Variants in ABHD12 observed in about 807,000 individuals in gnomAD.
The protein encoded by ABHD12 is abhydrolase domain containing 12, lysophospholipase, also known as lysophosphatidylserine lipase ABHD12.
Under a neutral mutation model 58.3 loss-of-function variants are expected in ABHD12, and 43 were observed. That is an observed-to-expected ratio of 0.74 (90% CI 0.58 to 0.95). The LOEUF is 0.95. ABHD12 is among the 40% of genes least tolerant of loss of function. The pLI is 0.00. For missense variants in ABHD12, 539 were observed against 537.2 expected (o/e 1.00, Z -0.03); for synonymous variants, 219 against 211.2 (o/e 1.04, Z -0.32).
rs570200234 is a variant in ABHD12 at position 25,319,494 on chromosome 20, A to G, written c.542+705T>C. Among the ~76,000 whole-genome samples the G allele has an allele frequency of 2.6e-5, 4 of 152,234 alleles. No homozygotes were observed. In the East Asian group the frequency reaches 7.8e-4, roughly 30 times the overall value. ...CAGCCTCTCCCTCCTGCCCCTTCTC[A>G]GCACCTGCCACTTTTTTCCAGGAAG... On this transcript the variant is annotated intron_variant, in intron 4 of 12. Transcript: ENST00000339157.
intron 1 of ABHD12, among the ~76,000 whole-genome samples, chr20:25,358,835 G>A (rs1383624858): frequency 1.3e-5 from 2 of 152,134 alleles, no homozygotes; most frequent in African/African-American, 4.8e-5. Context: ...ATAAGGAGGT[G>A]CTATGTAGTC....
chr20:25,333,926 A>C (rs1027915734), intron 2 of ABHD12, among the ~76,000 whole-genome samples: 12 of 152,092 alleles, frequency 7.9e-5, no homozygotes, highest in East Asian at 1.9e-4. Context: ...CTCACCACTC[A>C]TATTCAACAC....
At chr20:25,354,981 T>C (rs1465529152) in intron 1 of ABHD12, among the ~76,000 whole-genome samples, 3 of 152,192 alleles carry the variant, frequency 2.0e-5, no homozygotes, top group African/African-American at 7.2e-5. Flanking sequence ...ATTAGACTAC[T>C]TTGAAGAACA....
At chr20:25,358,072 G>A (rs2089692288) in intron 1 of ABHD12, among the ~76,000 whole-genome samples, 4 of 152,086 alleles carry the variant, frequency 2.6e-5, no homozygotes, top group Admixed American at 2.6e-4. Flanking sequence ...TGGGCACTGA[G>A]GCTCTCTTGG....
chr20:25,323,674 A>C (rs1442482020), intron 2 of ABHD12, among the ~76,000 whole-genome samples: 10 of 152,248 alleles, frequency 6.6e-5, no homozygotes, highest in Admixed American at 6.5e-4. Flanking sequence ...GAGGCCAGCC[A>C]GCATGGGCAG....
At chr20:25,345,810 C>T (rs374621217) in intron 1 of ABHD12, among the ~76,000 whole-genome samples, 1 of 152,138 alleles carries the variant, frequency 6.6e-6, no homozygotes, top group Non-Finnish European at 1.5e-5. Context: ...TGTGGAGCAA[C>T]AGGAATTCTC....
intron 1 of ABHD12, chr20:25,339,772 C>T: frequency 7.9e-7 from 1 of 1,270,192 alleles, no homozygotes; most frequent in South Asian, 1.3e-5. Flanking sequence ...GCGTAGGTTA[C>T]TTATTAGCTC....
chr20:25,361,455 G>A (rs139806409), intron 1 of ABHD12, among the ~76,000 whole-genome samples: 2,041 of 152,226 alleles, frequency 0.013, 23 homozygotes, highest in Middle Eastern at 0.031. Flanking sequence ...GAGTGCAGTG[G>A]TGCGATCTCA....
At chr20:25,369,684 C>T (rs1270922503) in intron 1 of ABHD12, among the ~76,000 whole-genome samples, 1 of 152,188 alleles carries the variant, frequency 6.6e-6, no homozygotes, top group South Asian at 2.1e-4. Context: ...GATGTTGTGT[C>T]CACAGGTTTA....
chr20:25,387,839 G>A (rs962183201), intron 1 of ABHD12, among the ~76,000 whole-genome samples: 2 of 151,764 alleles, frequency 1.3e-5, no homozygotes, highest in Non-Finnish European at 2.9e-5. Flanking sequence ...TCACGAGTTC[G>A]AGACCAGCCT....
At chr20:25,353,809 G>A (rs2482931) in intron 1 of ABHD12, among the ~76,000 whole-genome samples, 93,923 of 152,118 alleles carry the variant, frequency 0.62, 30,585 homozygotes, top group African/African-American at 0.79. Flanking sequence ...TGCTCACTTC[G>A]CCTTCCTGGC....
rs1810668103 is a variant in ABHD12 at position 25,300,338 on chromosome 20, A to G, written c.*507T>C. The G allele has an allele frequency of 2.8e-6, 3 of 1,053,142 alleles. No individual in the cohort carries two copies. The South Asian group carries it at 1.0e-4, about 35-fold the overall frequency. 65.2% of individuals were successfully genotyped at this position (1,053,142 alleles called of 1,614,324 possible). A position where few individuals can be genotyped will look rare whatever the true frequency, so the allele number is the denominator to read the frequency against. On this transcript the variant is annotated 3_prime_UTR_variant, in exon 13 of 13. Transcript: ENST00000339157. ...CCACTGTGGGTGAGTGGGCCAGCCC[A>G]GGGGAGGTGGGGCAGCTGAGAAAGG...
intron 1 of ABHD12, chr20:25,390,249 A>G (rs2090151700): frequency 5.6e-6 from 2 of 354,528 alleles, no homozygotes; most frequent in Non-Finnish European, 1.0e-5. Context: ...AGGCTAGGCC[A>G]GGAGTGCCTG....
chr20:25,316,422 G>C (rs931497467), intron 5 of ABHD12, among the ~76,000 whole-genome samples: 2 of 151,904 alleles, frequency 1.3e-5, no homozygotes, highest in African/African-American at 4.8e-5. Context: ...GCCTCCCAAA[G>C]TGCTGGGATT....
At chr20:25,374,988 T>C (rs1022455530) in intron 1 of ABHD12, among the ~76,000 whole-genome samples, 1 of 152,212 alleles carries the variant, frequency 6.6e-6, no homozygotes, top group African/African-American at 2.4e-5. Flanking sequence ...CTTCAGAATA[T>C]GACTGTATTT....
chr20:25,308,196 G>A (rs2088781307), intron 8 of ABHD12, 151 bp from the exon 9 acceptor site: 3 of 751,632 alleles, frequency 4.0e-6, no homozygotes, highest in South Asian at 1.5e-5. Flanking sequence ...TAGCACCAGG[G>A]GTGCCCGCCA....
At chr20:25,314,642 G>C (rs943156210) in intron 6 of ABHD12, among the ~76,000 whole-genome samples, 1 of 150,340 alleles carries the variant, frequency 6.7e-6, no homozygotes, top group African/African-American at 2.5e-5. Context: ...TCATGCTACT[G>C]TACTCCAGGT....
rs58926406 is a variant in ABHD12, at chr20:25,352,922, T to C, written c.192-13571A>G. Among the ~76,000 whole-genome samples the C allele has an allele frequency of 2.0e-3, 303 of 152,160 alleles. 1 individual carries two copies. The highest frequency in any genetic ancestry group is 7.2e-3 in the African/African-American group (297 of 41,532). On this transcript the variant is annotated intron_variant, in intron 1 of 12. Transcript: ENST00000339157. ...AACGAGATGTGGTGGTGTGTACCCA[T>C]AGTCCCAGCTACTCTGAAGGCTGAG...
chr20:25,368,940 T>C (rs2089862143), intron 1 of ABHD12, among the ~76,000 whole-genome samples: 1 of 152,082 alleles, frequency 6.6e-6, no homozygotes, highest in African/African-American at 2.4e-5. Context: ...TTGGGCAACA[T>C]ATTTAGACCC....
Sources: gnomAD v4.1 joint callset for allele counts (sites outside exome capture counted in the v4.1 genomes callset) on GRCh38, gnomAD v4.1.1 for gene constraint, MANE v1.5 for transcripts, NCBI Gene and HGNC (gene_info 2026-07-23, HGNC 2026-07-21) for gene names.